Variants in SLC4A4 observed in about 807,000 individuals in gnomAD.
SLC4A4 encodes solute carrier family 4 member 4.
A neutral mutation model predicts 111.5 loss-of-function variants in SLC4A4; 27 were observed. The observed-to-expected ratio is 0.24, with a 90% CI of 0.18 to 0.33. The LOEUF is 0.33. Ranked by LOEUF, SLC4A4 falls within the 10% of genes least tolerant of loss-of-function variation. The pLI is 1.00. For synonymous variants in SLC4A4, 443 were observed against 463.4 expected, an observed-to-expected ratio of 0.96 and a Z score of 0.57; for missense variants, 909 against 1,315.5, an observed-to-expected ratio of 0.69 and a Z score of 4.78.
At chr4:71,491,173 G>A (rs889513878) in intron 15 of SLC4A4, among the ~76,000 whole-genome samples, 1 of 151,764 alleles carries the variant, frequency 6.6e-6, no homozygotes, top group African/African-American at 2.4e-5. Context: ...TAACTCAAAT[G>A]CATGCTGTAG....
At chr4:71,329,590 A>T (rs911564104) in intron 3 of SLC4A4, among the ~76,000 whole-genome samples, 1 of 151,902 alleles carries the variant, frequency 6.6e-6, no homozygotes, top group Admixed American at 6.6e-5. Context: ...TTATAAATGG[A>T]ATTACTTTCT....
At chr4:71,227,992 C>T (rs1291216194) in intron 1 of SLC4A4, among the ~76,000 whole-genome samples, 3 of 152,076 alleles carry the variant, frequency 2.0e-5, no homozygotes, top group Admixed American at 2.0e-4. Context: ...TGTGGAAGCA[C>T]GTGAAATGGT....
In SLC4A4 at chr4:71,246,136, C is replaced by A. The variant is rs577860054; in HGVS notation, c.74-9084C>A. Among the ~76,000 whole-genome samples, 18 of 152,248 alleles carry A rather than the reference C, an allele frequency of 1.2e-4. 1 individual carries two copies. Among genetic ancestry groups the A allele is most frequent in the African/African-American group, 4.3e-4 (18 of 41,558 alleles). On this transcript the variant is annotated intron_variant, in intron 2 of 25. Transcript: ENST00000264485. ...TGAGGTGATGCTGGAAAACGTTTAG[C>A]CTTTCCCTCTATGTGCTCCACTTCA...
intron 14 of SLC4A4, among the ~76,000 whole-genome samples, chr4:71,483,448 G>A (rs372785375): frequency 9.2e-5 from 14 of 151,864 alleles, no homozygotes; most frequent in Non-Finnish European, 1.5e-5. Flanking sequence ...TCCTGCATTC[G>A]TTTGCTAAGG....
chr4:71,115,678 A>C (rs1743225504), intron 2 of SLC4A4, among the ~76,000 whole-genome samples: 1 of 152,178 alleles, frequency 6.6e-6, no homozygotes, highest in Non-Finnish European at 1.5e-5. Flanking sequence ...ACTAATACAG[A>C]TTTTTTAAAA....
intron 1 of SLC4A4, among the ~76,000 whole-genome samples, chr4:71,192,727 A>G (rs1040252529): frequency 1.3e-5 from 2 of 151,904 alleles, no homozygotes; most frequent in Admixed American, 6.6e-5. Flanking sequence ...AGAAAATTGT[A>G]TGTCATCATA....
Position 71,333,018 on chromosome 4 carries a change from G to A in SLC4A4, c.254-6352G>A, listed in dbSNP as rs886993585. Among the ~76,000 whole-genome samples the A allele has an allele frequency of 2.6e-4, 40 of 152,242 alleles. 1 individual carries two copies. Among genetic ancestry groups the A allele is most frequent in the Admixed American group, 2.1e-3 (32 of 15,288 alleles). On this transcript the variant is annotated intron_variant, in intron 3 of 25. Transcript: ENST00000264485. ...CTCTGTTACTTGGGATTGGTCATTG[G>A]TACCTTATTTGGTTTGTTTGGTGAG...
intron 5 of SLC4A4, among the ~76,000 whole-genome samples, chr4:71,351,629 T>C (rs956410346): frequency 1.3e-5 from 2 of 152,018 alleles, no homozygotes; most frequent in African/African-American, 4.8e-5. Flanking sequence ...CCGAGGTGGG[T>C]GGATCATTTG....
chr4:71,202,111 A>T (rs1260224472), intron 1 of SLC4A4, among the ~76,000 whole-genome samples: 1 of 152,234 alleles, frequency 6.6e-6, no homozygotes, highest in African/African-American at 2.4e-5. Flanking sequence ...GTAGGCCTAG[A>T]TATAAACATT....
intron 1 of SLC4A4, among the ~76,000 whole-genome samples, chr4:71,092,280 A>T (rs76008611): frequency 6.6e-6 from 1 of 152,122 alleles, no homozygotes; most frequent in African/African-American, 2.4e-5. Context: ...AGTAAAATTC[A>T]TATGGTTGAT....
At chr4:71,443,110 CTCTCTCTATATATATATATATA>C (rs1724891593) in intron 8 of SLC4A4, among the ~76,000 whole-genome samples, 1 of 101,044 alleles carries the variant, frequency 9.9e-6, no homozygotes, top group South Asian at 3.6e-4. Flanking sequence ...CTCTCTCTCT[CTCTCTCTATATATATATATATA>C]TATATATATA....
At chr4:71,545,217 A>G (rs539897883) in intron 18 of SLC4A4, among the ~76,000 whole-genome samples, 1 of 152,126 alleles carries the variant, frequency 6.6e-6, no homozygotes, top group South Asian at 2.1e-4. Flanking sequence ...CTTGCCTGTG[A>G]TGAGTTCTCA....
At chr4:71,084,420 A>G (rs1243325201) in intron 1 of SLC4A4, among the ~76,000 whole-genome samples, 3 of 152,018 alleles carry the variant, frequency 2.0e-5, no homozygotes, top group African/African-American at 7.3e-5. Context: ...CTTTTTTATT[A>G]TACTTTAAGT....
At chr4:71,252,267 A>G (rs1377711054) in intron 2 of SLC4A4, among the ~76,000 whole-genome samples, 3 of 152,156 alleles carry the variant, frequency 2.0e-5, no homozygotes, top group African/African-American at 7.2e-5. Context: ...CTTGGCACAT[A>G]TAGCTTATTA....
intron 8 of SLC4A4, among the ~76,000 whole-genome samples, chr4:71,441,206 A>C (rs139976079): frequency 7.2e-5 from 11 of 152,284 alleles, no homozygotes; most frequent in African/African-American, 2.6e-4. Context: ...ATATATATTA[A>C]AATCATCAAG....
At chr4:71,283,019 G>A (rs1723645854) in intron 3 of SLC4A4, among the ~76,000 whole-genome samples, 1 of 152,174 alleles carries the variant, frequency 6.6e-6, no homozygotes, top group South Asian at 2.1e-4. Context: ...GACTTGGTTA[G>A]TAAATTTGAT....
chr4:71,075,957 C>CTAAATAAATAAATAAATAAA (rs66711227), intron 1 of SLC4A4, among the ~76,000 whole-genome samples: 7 of 140,270 alleles, frequency 5.0e-5, no homozygotes, highest in East Asian at 2.2e-4. Context: ...GACTCCATCT[C>CTAAATAAATAAATAAATAAA]TAAATAAATA....
intron 2 of SLC4A4, among the ~76,000 whole-genome samples, chr4:71,145,732 C>T (rs941272072): frequency 8.6e-5 from 13 of 152,034 alleles, no homozygotes; most frequent in East Asian, 3.8e-4. Flanking sequence ...AGTTTATTTG[C>T]GTAGAGGTGT....
At chr4:71,443,530 G>A (rs1004429803) in intron 8 of SLC4A4, among the ~76,000 whole-genome samples, 6 of 152,154 alleles carry the variant, frequency 3.9e-5, no homozygotes, top group African/African-American at 1.4e-4. Context: ...GCAAAGGGAA[G>A]ATTCAGCATC....
Sources: allele counts gnomAD v4.1 joint callset (sites outside exome capture counted in the v4.1 genomes callset), GRCh38; gene constraint gnomAD v4.1.1; transcripts MANE v1.5; gene names NCBI Gene and HGNC (gene_info 2026-07-23, HGNC 2026-07-21).